The following SDK2 variants were observed in gnomAD, a reference collection of about 807,000 sequenced individuals.
SDK2 encodes the protein protein sidekick-2.
In SDK2, 105 loss-of-function variants were observed where a neutral mutation model predicts 253.9. The observed-to-expected ratio is 0.41, with a 90% CI of 0.35 to 0.49. The LOEUF is 0.49. Among genes scored for constraint, SDK2 ranks in the 20% least tolerant of loss-of-function variants. The pLI, the probability that SDK2 is intolerant of heterozygous loss-of-function variation, is 0.06. For synonymous variants in SDK2, 1,249 were observed against 1,234.9 expected, an observed-to-expected ratio of 1.01 and a Z score of -0.24; for missense variants, 2,608 against 3,003.0, an observed-to-expected ratio of 0.87 and a Z score of 3.07.
chr17:73,558,903 G>A (rs1355079428), intron 1 of SDK2, among the ~76,000 whole-genome samples: 2 of 152,212 alleles, frequency 1.3e-5, no homozygotes, highest in East Asian at 3.8e-4. Flanking sequence ...ACTCACTGCA[G>A]TAGCGGCCTG....
At chr17:73,527,445 G>A (rs2064134733) in intron 1 of SDK2, among the ~76,000 whole-genome samples, 1 of 152,204 alleles carries the variant, frequency 6.6e-6, no homozygotes, top group African/African-American at 2.4e-5. Flanking sequence ...TAGGGAGTTT[G>A]GAGGGAAAGA....
intron 1 of SDK2, among the ~76,000 whole-genome samples, chr17:73,562,804 G>A (rs988565970): frequency 3.3e-5 from 5 of 152,246 alleles, no homozygotes; most frequent in Non-Finnish European, 7.3e-5. Flanking sequence ...CCACGTCTGC[G>A]TTTTGTAAGC....
At chr17:73,446,366 C>T (rs183009226) in intron 5 of SDK2, among the ~76,000 whole-genome samples, 129 of 152,312 alleles carry the variant, frequency 8.5e-4, no homozygotes, top group Non-Finnish European at 1.3e-3. Flanking sequence ...TCAACCCTGA[C>T]GGTCAGTCTC....
rs1029077715 is a variant in SDK2 at position 73,401,936 on chromosome 17, G to A, written c.2680+10C>T. 2.5e-6 allele frequency: 4 copies of A among 1,589,196 alleles called. No homozygotes were observed. Among genetic ancestry groups the A allele is most frequent in the African/African-American group, 1.3e-5 (1 of 74,642 alleles). On this transcript the variant is annotated intron_variant, in intron 19 of 44. Transcript: ENST00000392650. ...GGGGGGCAGAAAGAGCAGGGCTGGG[G>A]GGTGCCTACCATCCTCATGGGTGCG... is the stretch of plus-strand genomic sequence containing the variant.
chr17:73,622,531 T>C (rs1202541529), intron 1 of SDK2, among the ~76,000 whole-genome samples: 1 of 152,122 alleles, frequency 6.6e-6, no homozygotes, highest in South Asian at 2.1e-4. Context: ...CACAATTCAG[T>C]GTTTGAGGAG....
chr17:73,613,494 T>C (rs1255215553), intron 1 of SDK2, among the ~76,000 whole-genome samples: 3 of 152,000 alleles, frequency 2.0e-5, no homozygotes, highest in Admixed American at 1.3e-4. Context: ...TTGGAAAGGA[T>C]GTTCTAATCC....
chr17:73,523,808 C>T (rs2064103549), intron 1 of SDK2, among the ~76,000 whole-genome samples: 1 of 151,834 alleles, frequency 6.6e-6, no homozygotes, highest in Non-Finnish European at 1.5e-5. Flanking sequence ...GCGCAGAGCC[C>T]CTTTCTCTAT....
intron 4 of SDK2, among the ~76,000 whole-genome samples, chr17:73,448,885 T>A (rs921521902): frequency 6.6e-6 from 1 of 152,136 alleles, no homozygotes; most frequent in Admixed American, 6.5e-5. Context: ...GGTCTCAAAC[T>A]CCTGACCTCA....
intron 38 of SDK2, among the ~76,000 whole-genome samples, chr17:73,362,406 A>ATT (rs35982157): frequency 0.36 from 51,369 of 141,508 alleles, 9,332 homozygotes; most frequent in East Asian, 0.54. Context: ...ATCTGCCACA[A>ATT]TTTTTTTTTT....
At position 73,447,290 on chromosome 17, in the gene SDK2, T is replaced by G. The variant is rs1359940697; in HGVS notation, c.613+325A>C. Among the ~76,000 whole-genome samples the G allele has an allele frequency of 6.6e-6, 1 of 152,042 alleles. No individual in the cohort carries two copies. Among genetic ancestry groups the G allele is most frequent in the East Asian group, 1.9e-4 (1 of 5,146 alleles). On this transcript the variant is annotated intron_variant, in intron 5 of 44. Coordinates refer to ENST00000392650, the MANE Select transcript of SDK2 (RefSeq NM_001144952.2). The surrounding 1 kb of genome is among the most constrained non-coding windows in gnomAD (Gnocchi z 4.0). Reference sequence around the variant, plus strand: ...TCTGAGCCCCGATAGTGGCTGCAACTCACACATGCACACGCTCTTCCTCTG... The same window carrying G: ...TCTGAGCCCCGATAGTGGCTGCAACGCACACATGCACACGCTCTTCCTCTG...
intron 1 of SDK2, among the ~76,000 whole-genome samples, chr17:73,581,406 AACTCTGCACCC>A (rs2045532698): frequency 1.3e-5 from 2 of 152,146 alleles, no homozygotes; most frequent in Admixed American, 6.6e-5. Context: ...TTCCACAGGA[AACTCTGCACCC>A]ACTCTCACAT....
intron 1 of SDK2, among the ~76,000 whole-genome samples, chr17:73,522,653 C>A (rs2064091536): frequency 6.6e-6 from 1 of 152,208 alleles, no homozygotes; most frequent in Admixed American, 6.5e-5. Context: ...GTCAGCAGCT[C>A]CCCTTGCTTC....
intron 1 of SDK2, among the ~76,000 whole-genome samples, chr17:73,641,406 G>A (rs1173757935): frequency 6.6e-6 from 1 of 152,190 alleles, no homozygotes; most frequent in East Asian, 1.9e-4. Context: ...CAGCGAAGCG[G>A]CAAAGCCAGA....
chr17:73,401,761 C>G lies in SDK2; in HGVS notation c.2681-9G>C. The stretch of plus-strand genomic sequence containing the variant: ...TCCCACGGGCCCAGGCACTGCACCC[C>G]AAAAGGAACCCCCACCCCCCAAGGC... On this transcript the variant is annotated splice_polypyrimidine_tract_variant and intron_variant, in intron 19 of 44. Coordinates refer to ENST00000392650, the MANE Select transcript of SDK2 (RefSeq NM_001144952.2). 7 of 1,565,454 alleles carry G rather than the reference C, an allele frequency of 4.5e-6. No individual in the cohort carries two copies. The highest frequency in any genetic ancestry group is 6.1e-6 in the Non-Finnish European group (7 of 1,154,236).
chr17:73,468,597 C>T (rs557981683), intron 3 of SDK2, among the ~76,000 whole-genome samples: 86 of 149,746 alleles, frequency 5.7e-4, no homozygotes, highest in Non-Finnish European at 1.1e-3. Context: ...CTGCAACCTC[C>T]GCCTCCCAGG....
chr17:73,582,892 C>G lies in SDK2; in HGVS notation c.64+61133G>C, dbSNP rs530086968. 4.1e-4 allele frequency among the ~76,000 whole-genome samples: 63 copies of G among 152,246 alleles called. 1 individual carries two copies. The highest frequency in any genetic ancestry group is 7.6e-4 in the Non-Finnish European group (52 of 68,016). ...GTCTCGTCAGCCTCCCTGCAACGCC[C>G]CTCTCTGTGAGCTCTTTGGGGCTGA... is the stretch of plus-strand genomic sequence containing the variant. On this transcript the variant is annotated intron_variant, in intron 1 of 44. Transcript: ENST00000392650.
chr17:73,446,243 C>A (rs1178095012), intron 5 of SDK2, among the ~76,000 whole-genome samples: 1 of 152,158 alleles, frequency 6.6e-6, no homozygotes, highest in African/African-American at 2.4e-5. Flanking sequence ...AAGCATCTCT[C>A]TTTGATGACT....
chr17:73,638,630 G>A (rs991035321), intron 1 of SDK2, among the ~76,000 whole-genome samples: 4 of 151,978 alleles, frequency 2.6e-5, no homozygotes, highest in African/African-American at 9.7e-5. Context: ...GGGGAGTGAG[G>A]AGATGAGGTG....
intron 29 of SDK2, among the ~76,000 whole-genome samples, chr17:73,390,085 G>C (rs961650987): frequency 1.3e-5 from 2 of 152,208 alleles, no homozygotes; most frequent in Non-Finnish European, 1.5e-5. Flanking sequence ...CCAGAGTAGG[G>C]TCCTTGGGTG....
Sources: allele counts gnomAD v4.1 joint callset (sites outside exome capture counted in the v4.1 genomes callset), GRCh38; gene constraint gnomAD v4.1.1; non-coding constraint Gnocchi (gnomAD v3.1); transcripts MANE v1.5; gene names NCBI Gene and HGNC (gene_info 2026-07-23, HGNC 2026-07-21).